The following PPP2R3A variants were observed in gnomAD, a reference collection of about 807,000 sequenced individuals.
The protein encoded by PPP2R3A is serine/threonine-protein phosphatase 2A regulatory subunit B'' subunit alpha.
A neutral mutation model predicts 106.9 loss-of-function variants in PPP2R3A; 80 were observed. That is an observed-to-expected ratio of 0.75 (90% CI 0.62 to 0.90). PPP2R3A has a LOEUF of 0.90. PPP2R3A is among the 40% of genes least tolerant of loss of function. PPP2R3A has a pLI of 0.00. For missense variants in PPP2R3A, 1,386 were observed against 1,350.4 expected, an observed-to-expected ratio of 1.03 and a Z score of -0.41; for synonymous variants, 483 against 468.3, an observed-to-expected ratio of 1.03 and a Z score of -0.41.
chr3:136,085,023 G>A (rs1416494888), intron 8 of PPP2R3A, among the ~76,000 whole-genome samples: 1 of 152,204 alleles, frequency 6.6e-6, no homozygotes, highest in Non-Finnish European at 1.5e-5. Flanking sequence ...GCTAAAATGA[G>A]TTAAGACTTT....
chr3:136,023,008 T>A, intron 2 of PPP2R3A: 1 of 1,592,672 alleles, frequency 6.3e-7, no homozygotes, highest in African/African-American at 1.4e-5. Flanking sequence ...GACAACTTGC[T>A]AAATCTGATT....
intron 1 of PPP2R3A, among the ~76,000 whole-genome samples, chr3:135,973,312 AT>A (rs1364551209): frequency 4.6e-5 from 7 of 152,234 alleles, no homozygotes; most frequent in African/African-American, 1.7e-4. Flanking sequence ...TGAAAAGTAT[AT>A]ATCATTAAAC....
chr3:136,056,802 G>A (rs2107878024), intron 5 of PPP2R3A, among the ~76,000 whole-genome samples: 1 of 152,022 alleles, frequency 6.6e-6, no homozygotes, highest in South Asian at 2.1e-4. Flanking sequence ...CTACAGAATG[G>A]TAGAAAATAT....
chr3:136,085,374 T>C (rs778364733), intron 8 of PPP2R3A, among the ~76,000 whole-genome samples: 39 of 152,192 alleles, frequency 2.6e-4, no homozygotes, highest in Non-Finnish European at 5.1e-4. Flanking sequence ...TCCCCAGCCA[T>C]GTGGAACTGT....
chr3:136,052,781 A>G lies in PPP2R3A; in HGVS notation c.2469+3420A>G, dbSNP rs142795955. On this transcript the variant is annotated intron_variant, in intron 5 of 13. Transcript: ENST00000264977. ...AATCTTATTTGTATTTAAGAAGTGG[A>G]CTTGTGGAGTCTTCTGGTAAAAGAG... Among the ~76,000 whole-genome samples, 435 of 152,298 alleles carry G rather than the reference A, an allele frequency of 2.9e-3. 3 individuals are homozygous for G. The highest frequency in any genetic ancestry group is 0.01 in the African/African-American group (417 of 41,572).
At chr3:136,121,695 A>G (rs1300283588) in intron 13 of PPP2R3A, among the ~76,000 whole-genome samples, 1 of 152,220 alleles carries the variant, frequency 6.6e-6, no homozygotes, top group African/African-American at 2.4e-5. Flanking sequence ...AAGAGAAGAG[A>G]TTATATTAAT....
At chr3:136,074,544 T>C (rs1936538074) in intron 6 of PPP2R3A, among the ~76,000 whole-genome samples, 1 of 152,250 alleles carries the variant, frequency 6.6e-6, no homozygotes, top group Non-Finnish European at 1.5e-5. Flanking sequence ...AGGTTTTGCT[T>C]ATCCAAACCA....
chr3:136,114,598 G>C lies in PPP2R3A; in HGVS notation c.3329+8276G>C, dbSNP rs373212051. On this transcript the variant is annotated intron_variant, in intron 13 of 13. Coordinates refer to ENST00000264977, the MANE Select transcript of PPP2R3A (RefSeq NM_002718.5). ...ACCTGGAACACTCCAGCTTGATGCAGGGAGGGGGGTCCAGCATTGCTGAGG... is the reference window on the plus strand; with the variant it reads ...ACCTGGAACACTCCAGCTTGATGCACGGAGGGGGGTCCAGCATTGCTGAGG... Among the ~76,000 whole-genome samples the C allele has an allele frequency of 2.6e-5, 4 of 152,282 alleles. No individual in the cohort carries two copies. The South Asian group carries it at 8.3e-4, about 32-fold the overall frequency.
chr3:136,086,209 C>T (rs755926749), intron 8 of PPP2R3A, among the ~76,000 whole-genome samples: 8 of 150,642 alleles, frequency 5.3e-5, no homozygotes, highest in African/African-American at 9.8e-5. Context: ...GTTGGCCAGG[C>T]GCGGTGGCTC....
At chr3:136,043,980 T>C (rs1266656344) in intron 4 of PPP2R3A, among the ~76,000 whole-genome samples, 9 of 152,232 alleles carry the variant, frequency 5.9e-5, no homozygotes, top group Non-Finnish European at 4.4e-5. Flanking sequence ...TGATTTCACT[T>C]TGTCCTCTCA....
intron 2 of PPP2R3A, among the ~76,000 whole-genome samples, chr3:136,007,655 C>T (rs1025195246): frequency 2.4e-4 from 36 of 152,182 alleles, no homozygotes; most frequent in African/African-American, 8.2e-4. Flanking sequence ...AGGGTGCTTT[C>T]TCGATCACCA....
At chr3:136,138,704 T>A (rs1938726982) in intron 13 of PPP2R3A, among the ~76,000 whole-genome samples, 1 of 61,314 alleles carries the variant, frequency 1.6e-5, no homozygotes, top group African/African-American at 5.8e-5. Context: ...AATTTTTTTT[T>A]TTTTTTTTTT....
intron 2 of PPP2R3A, among the ~76,000 whole-genome samples, chr3:136,011,825 T>C (rs183416189): frequency 1.3e-5 from 2 of 152,328 alleles, no homozygotes; most frequent in African/African-American, 4.8e-5. Context: ...TTAAGGTGTT[T>C]ACCCTGGGAG....
intron 13 of PPP2R3A, among the ~76,000 whole-genome samples, chr3:136,129,655 T>C (rs539717873): frequency 2.2e-4 from 33 of 152,336 alleles, no homozygotes; most frequent in Admixed American, 9.2e-4. Flanking sequence ...GAATCCTTTC[T>C]AACTCATTTT....
chr3:136,017,171 C>T (rs923379888), intron 2 of PPP2R3A, among the ~76,000 whole-genome samples: 8 of 152,198 alleles, frequency 5.3e-5, no homozygotes, highest in Admixed American at 1.3e-4. Context: ...AGTAGGGTTT[C>T]TGCTGAGAAA....
chr3:135,975,142 A>G (rs1397321233), intron 1 of PPP2R3A, among the ~76,000 whole-genome samples: 1 of 152,158 alleles, frequency 6.6e-6, no homozygotes. Flanking sequence ...CCCCTTTCCC[A>G]TGGTGGGCCC....
At chr3:135,982,074 T>A (rs1051838304) in intron 1 of PPP2R3A, among the ~76,000 whole-genome samples, 15 of 151,796 alleles carry the variant, frequency 9.9e-5, no homozygotes, top group Admixed American at 7.2e-4. Flanking sequence ...GTTAGGATCG[T>A]GATTCTAACA....
intron 13 of PPP2R3A, among the ~76,000 whole-genome samples, chr3:136,123,801 C>T (rs911475211): frequency 2.0e-5 from 3 of 152,140 alleles, no homozygotes; most frequent in Non-Finnish European, 2.9e-5. Flanking sequence ...TCAACAATTA[C>T]AGTTGGAGAT....
intron 1 of PPP2R3A, among the ~76,000 whole-genome samples, chr3:135,998,853 C>G (rs1933506668): frequency 6.6e-6 from 1 of 152,034 alleles, no homozygotes; most frequent in Non-Finnish European, 1.5e-5. Flanking sequence ...TAGTATGGTC[C>G]AAATTTTGTA....
Sources: gnomAD v4.1 joint callset for allele counts (sites outside exome capture counted in the v4.1 genomes callset) on GRCh38, gnomAD v4.1.1 for gene constraint, MANE v1.5 for transcripts, NCBI Gene and HGNC (gene_info 2026-07-23, HGNC 2026-07-21) for gene names.